The following NFYB variants were observed in gnomAD, a reference collection of about 807,000 sequenced individuals.
The protein encoded by NFYB is CAAT box DNA-binding protein subunit B.
A neutral mutation model predicts 28.0 loss-of-function variants in NFYB; 13 were observed. The observed-to-expected ratio is 0.46, with a 90% CI of 0.30 to 0.74. The LOEUF is 0.74. NFYB is among the 30% of genes least tolerant of loss of function. NFYB has a pLI of 0.07. For synonymous variants in NFYB, 74 were observed against 75.0 expected (o/e 0.99, Z 0.07); for missense variants, 142 against 247.6 (o/e 0.57, Z 2.86).
At chr12:104,126,413 C>CT (rs887288241) in intron 3 of NFYB, among the ~76,000 whole-genome samples, 169 bp from the exon 4 acceptor site, 12 of 151,456 alleles carry the variant, frequency 7.9e-5, no homozygotes, top group African/African-American at 1.9e-4. Context: ...CAGAACTGAA[C>CT]TTTTTTTTTA....
rs191844886 is a variant in NFYB, at chr12:104,124,416, A to G, written c.232-993T>C. Among the ~76,000 whole-genome samples, 267 of 152,312 alleles carry G rather than the reference A, an allele frequency of 1.8e-3. 1 individual carries two copies. Among genetic ancestry groups the G allele is most frequent in the African/African-American group, 6.0e-3 (250 of 41,570 alleles). ...AATTGCAAAGCCACTTGTAACAGCA[A>G]TACCACTCAAACTCCCTGCCGAAAC... On this transcript the variant is annotated intron_variant, in intron 4 of 7. Coordinates refer to ENST00000240055, the MANE Select transcript of NFYB (RefSeq NM_006166.4).
chr12:104,130,262 T>TA (rs1241844884), intron 2 of NFYB, among the ~76,000 whole-genome samples: 2 of 152,204 alleles, frequency 1.3e-5, no homozygotes, highest in Non-Finnish European at 2.9e-5. Context: ...AGTATAAACT[T>TA]AATGTTATTA....
Position 104,123,243 on chromosome 12 carries a change from G to C in NFYB, c.412C>G (p.Leu138Val). 6.2e-7 allele frequency: 1 copy of C among 1,610,664 alleles called. No individual in the cohort carries two copies. Among genetic ancestry groups the C allele is most frequent in the Non-Finnish European group, 8.5e-7 (1 of 1,178,374 alleles). Residue 138 changes from leucine (L) to valine (V), a missense_variant, in exon 5 of 8, where the codon CTT (leucine) becomes GTT (valine). Coordinates refer to ENST00000240055, the MANE Select transcript of NFYB (RefSeq NM_006166.4). ...DSYVEPLKLYLQKFREAMKGE... is the reference protein window; with the variant it reads ...DSYVEPLKLYVQKFREAMKGE... The stretch of plus-strand genomic sequence containing the variant: ...TTATTTACCTCTCTGAATTTCTGAA[G>C]GTATAATTTCAGAGGTTCCACATAA...
intron 2 of NFYB, chr12:104,131,833 C>G (rs2030936435): frequency 2.2e-6 from 1 of 455,244 alleles, no homozygotes; most frequent in Non-Finnish European, 4.4e-6. Flanking sequence ...ACAAATGTTA[C>G]ATAACCTGGG....
intron 2 of NFYB, among the ~76,000 whole-genome samples, chr12:104,132,024 G>C (rs2030943328): frequency 6.6e-6 from 1 of 152,184 alleles, no homozygotes; most frequent in Non-Finnish European, 1.5e-5. Flanking sequence ...TGTAAAGACA[G>C]CATAGTACAA....
At chr12:104,137,038 AT>A in intron 1 of NFYB, among the ~76,000 whole-genome samples, 1 of 151,356 alleles carries the variant, frequency 6.6e-6, no homozygotes, top group Admixed American at 6.6e-5. Context: ...CCCCCCACTG[AT>A]TAGTGCCACT....
At chr12:104,123,975 A>T (rs919391546) in intron 4 of NFYB, among the ~76,000 whole-genome samples, 14 of 152,316 alleles carry the variant, frequency 9.2e-5, no homozygotes, top group Admixed American at 5.9e-4. Flanking sequence ...AAAAAAAATT[A>T]AAAAAATTTT....
rs1232968413 is a variant in NFYB, at chr12:104,118,645, A to G, written c.*1092T>C. 6.6e-6 allele frequency: 1 copy of G among 152,418 alleles called. No homozygotes were observed. The highest frequency in any genetic ancestry group is 1.5e-5 in the Non-Finnish European group (1 of 68,038). 9.4% of individuals were successfully genotyped at this position (152,418 alleles called of 1,614,324 possible). ...CCAAGTACATACTACTAAATTATAC[A>G]AAGTTACATTATTTACGTTTAGTTT... On this transcript the variant is annotated 3_prime_UTR_variant, in exon 8 of 8. Coordinates refer to ENST00000240055, the MANE Select transcript of NFYB (RefSeq NM_006166.4).
chr12:104,126,650 G>C (rs2030727178), intron 3 of NFYB, among the ~76,000 whole-genome samples: 2 of 151,816 alleles, frequency 1.3e-5, no homozygotes, highest in Non-Finnish European at 2.9e-5. Context: ...TTAATGTCAC[G>C]AATCAGCTTT....
In NFYB at chr12:104,118,525, A is replaced by G. The variant is rs755392766; in HGVS notation, c.*1212T>C. The G allele has an allele frequency of 2.0e-5, 3 of 152,662 alleles. No homozygotes were observed. The highest frequency in any genetic ancestry group is 4.4e-5 in the Non-Finnish European group (3 of 68,046). 9.5% of individuals were successfully genotyped at this position (152,662 alleles called of 1,614,324 possible). A position where few individuals can be genotyped will look rare whatever the true frequency, so the allele number is the denominator to read the frequency against. On this transcript the variant is annotated 3_prime_UTR_variant, in exon 8 of 8. Coordinates refer to ENST00000240055, the MANE Select transcript of NFYB (RefSeq NM_006166.4). ...GCAAACTATACAATAGCAATTTTTGATATTAAAAACTTAAAAAAGAAATCC... is the reference window on the plus strand; with the variant it reads ...GCAAACTATACAATAGCAATTTTTGGTATTAAAAACTTAAAAAAGAAATCC...
intron 2 of NFYB, chr12:104,128,759 C>T: frequency 4.9e-6 from 1 of 203,460 alleles, no homozygotes; most frequent in Non-Finnish European, 1.0e-5. Context: ...ATCCACCTCC[C>T]AGGCTGAAGC....
chr12:104,121,157 G>A (rs2030457283), intron 6 of NFYB, 83 bp downstream of exon 6: 1 of 1,123,346 alleles, frequency 8.9e-7, no homozygotes, highest in Non-Finnish European at 1.3e-6. Context: ...AATACTCACT[G>A]CTGACATTCC....
At chr12:104,130,211 C>G (rs2030872940) in intron 2 of NFYB, among the ~76,000 whole-genome samples, 1 of 152,180 alleles carries the variant, frequency 6.6e-6, no homozygotes, top group Non-Finnish European at 1.5e-5. Context: ...TACTTTCAGG[C>G]TGAACAAAGA....
intron 1 of NFYB, among the ~76,000 whole-genome samples, chr12:104,136,486 A>C (rs1187705157): frequency 6.6e-6 from 1 of 152,236 alleles, no homozygotes; most frequent in Non-Finnish European, 1.5e-5. Context: ...ATTAAAAGTA[A>C]TTTATAATTT....
chr12:104,120,712 A>T (rs557834409), intron 6 of NFYB, among the ~76,000 whole-genome samples: 38 of 152,310 alleles, frequency 2.5e-4, no homozygotes, highest in Non-Finnish European at 3.5e-4. Context: ...ACCTTAGCTA[A>T]CTGCCCATGT....
At chr12:104,125,518 C>T (rs966784786) in intron 4 of NFYB, among the ~76,000 whole-genome samples, 5 of 150,168 alleles carry the variant, frequency 3.3e-5, no homozygotes, top group East Asian at 2.0e-4. Context: ...CAGCTTCATA[C>T]ACCCAAACCT....
chr12:104,134,410 C>T (rs1045769996), intron 2 of NFYB, among the ~76,000 whole-genome samples: 1 of 152,108 alleles, frequency 6.6e-6, no homozygotes, highest in African/African-American at 2.4e-5. Context: ...AGAAGAATAC[C>T]AGCCCTTCAC....
At chr12:104,127,435 C>T (rs908813687) in intron 3 of NFYB, among the ~76,000 whole-genome samples, 15 of 151,718 alleles carry the variant, frequency 9.9e-5, no homozygotes, top group Non-Finnish European at 1.9e-4. Flanking sequence ...GGGCATGGTG[C>T]TGGGCGCCTG....
At chr12:104,135,337 T>G (rs1294452077) in intron 2 of NFYB, 111 bp downstream of exon 2, 2 of 878,098 alleles carry the variant, frequency 2.3e-6, no homozygotes, top group East Asian at 2.8e-5. Flanking sequence ...TGTCTAGACT[T>G]GAAATGCATT....
Sources: gnomAD v4.1 joint callset for allele counts (sites outside exome capture counted in the v4.1 genomes callset) on GRCh38, gnomAD v4.1.1 for gene constraint, MANE v1.5 for transcripts, NCBI Gene and HGNC (gene_info 2026-07-23, HGNC 2026-07-21) for gene names.